The following SIM1 variants were observed in gnomAD, a reference collection of about 807,000 sequenced individuals.
SIM1 encodes SIM bHLH transcription factor 1, also known as single-minded homolog 1.
SIM1 carries 18 observed loss-of-function variants against 78.2 expected under a neutral mutation model. The ratio of observed to expected loss-of-function variants is 0.23; its 90% CI spans 0.16 to 0.34. The LOEUF (loss-of-function observed/expected upper bound fraction) is 0.34. Among genes scored for constraint, SIM1 ranks in the 10% least tolerant of loss-of-function variants. The pLI, the probability that SIM1 is intolerant of heterozygous loss-of-function variation, is 1.00. For synonymous variants in SIM1, 417 were observed against 385.2 expected (o/e 1.08, Z -0.97); for missense variants, 939 against 975.1 (o/e 0.96, Z 0.49).
At position 100,388,438 on chromosome 6, in the gene SIM1, A is replaced by G. The variant is rs1770559432; in HGVS notation, c.*1923T>C. 5 of 152,322 alleles carry G rather than the reference A, an allele frequency of 3.3e-5. No individual in the cohort carries two copies. The South Asian group carries it at 1.0e-3, about 32-fold the overall frequency. 9.4% of individuals were successfully genotyped at this position (152,322 alleles called of 1,614,324 possible). On this transcript the variant is annotated 3_prime_UTR_variant, in exon 12 of 12. Coordinates refer to ENST00000369208, the MANE Select transcript of SIM1 (RefSeq NM_005068.3). ...CAACTGCACTTTGAATTTTTTGAAAATATATATAACCACTAACTTTCTCAC... is the reference window on the plus strand; with the variant it reads ...CAACTGCACTTTGAATTTTTTGAAAGTATATATAACCACTAACTTTCTCAC...
chr6:100,459,881 T>C (rs1772791297), intron 2 of SIM1, among the ~76,000 whole-genome samples: 1 of 152,242 alleles, frequency 6.6e-6, no homozygotes, highest in East Asian at 1.9e-4. Flanking sequence ...TAGTTGAATT[T>C]GTCCTATTTT....
chr6:100,447,524 T>C, intron 8 of SIM1, 109 bp from the exon 9 acceptor site: 1 of 1,215,966 alleles, frequency 8.2e-7, no homozygotes, highest in Admixed American at 2.1e-5. Context: ...CCCTAATAAC[T>C]GCACCAGGCA....
chr6:100,405,153 A>G (rs1771022508), intron 10 of SIM1, among the ~76,000 whole-genome samples: 1 of 152,022 alleles, frequency 6.6e-6, no homozygotes, highest in Admixed American at 6.6e-5. Context: ...AATTTTTAGC[A>G]TTGGAAAAGA....
chr6:100,398,658 T>C (rs1186729049), intron 10 of SIM1, among the ~76,000 whole-genome samples: 1 of 152,122 alleles, frequency 6.6e-6, no homozygotes, highest in Non-Finnish European at 1.5e-5. Context: ...TACCATGATT[T>C]GTTTATCCAT....
intron 2 of SIM1, among the ~76,000 whole-genome samples, chr6:100,460,036 G>C (rs1772799765): frequency 6.6e-6 from 1 of 152,220 alleles, no homozygotes; most frequent in African/African-American, 2.4e-5. Flanking sequence ...CAGATATGAA[G>C]TGTTAGTGAT....
At chr6:100,396,194 A>G in intron 10 of SIM1, 1 of 363,144 alleles carries the variant, frequency 2.8e-6, no homozygotes, top group Non-Finnish European at 3.8e-6. Flanking sequence ...AGTGCTATAC[A>G]TGTGTTCCTT....
At chr6:100,431,878 G>T (rs565248399) in intron 9 of SIM1, among the ~76,000 whole-genome samples, 1 of 152,156 alleles carries the variant, frequency 6.6e-6, no homozygotes, top group African/African-American at 2.4e-5. Flanking sequence ...GATAATAGTA[G>T]GGCTGGATGA....
At chr6:100,430,097 A>T (rs2114516935) in intron 9 of SIM1, among the ~76,000 whole-genome samples, 1 of 152,324 alleles carries the variant, frequency 6.6e-6, no homozygotes, top group African/African-American at 2.4e-5. Context: ...AAGTCTTGTC[A>T]TGTAGTTTCT....
chr6:100,437,650 G>A (rs1026284559), intron 9 of SIM1, among the ~76,000 whole-genome samples: 3 of 152,148 alleles, frequency 2.0e-5, no homozygotes, highest in African/African-American at 7.2e-5. Flanking sequence ...TTTGGGAAAG[G>A]CAAGAGACTG....
chr6:100,447,994 A>C, intron 8 of SIM1, 152 bp downstream of exon 8: 1 of 609,556 alleles, frequency 1.6e-6, no homozygotes, highest in Non-Finnish European at 2.9e-6. Flanking sequence ...CCAGTGTCGG[A>C]GAAGTCCCTC....
chr6:100,427,134 C>T (rs1022578972), intron 9 of SIM1: 2 of 152,232 alleles, frequency 1.3e-5, no homozygotes, highest in Admixed American at 1.3e-4. Flanking sequence ...CGCCTGGCCA[C>T]TGGGTAAACC....
intron 11 of SIM1, among the ~76,000 whole-genome samples, chr6:100,393,106 G>A (rs777449375): frequency 1.3e-5 from 2 of 152,060 alleles, no homozygotes; most frequent in Non-Finnish European, 2.9e-5. Context: ...CCCTCATTGA[G>A]AAACACTGCT....
At chr6:100,412,737 AAG>A (rs1393339321) in intron 10 of SIM1, among the ~76,000 whole-genome samples, 2 of 145,106 alleles carry the variant, frequency 1.4e-5, no homozygotes, top group African/African-American at 5.1e-5. Flanking sequence ...GAAAGAAAGA[AAG>A]AAAGAAAGAA....
intron 10 of SIM1, among the ~76,000 whole-genome samples, chr6:100,409,863 T>G (rs1771149283): frequency 6.6e-6 from 1 of 152,202 alleles, no homozygotes; most frequent in South Asian, 2.1e-4. Flanking sequence ...TTACTGTTAG[T>G]TTCATACAAC....
intron 9 of SIM1, among the ~76,000 whole-genome samples, chr6:100,437,750 A>C (rs1229181119): frequency 6.6e-6 from 1 of 152,192 alleles, no homozygotes; most frequent in Non-Finnish European, 1.5e-5. Context: ...TATCAATGAC[A>C]ACAGTGAAAA....
At chr6:100,401,578 AAAT>A (rs1302916647) in intron 10 of SIM1, among the ~76,000 whole-genome samples, 2 of 152,090 alleles carry the variant, frequency 1.3e-5, no homozygotes, top group African/African-American at 4.8e-5. Flanking sequence ...CAAAAAAAAT[AAAT>A]AATAATGAGG....
rs1770512444 is a variant in SIM1 at position 100,386,160 on chromosome 6, C to G, written c.*4201G>C. The G allele has an allele frequency of 6.6e-6, 1 of 151,950 alleles. No homozygotes were observed. The allele number at this position is 151,950 out of a possible 1,614,324, so 9.4% of individuals were successfully genotyped here. On this transcript the variant is annotated 3_prime_UTR_variant, in exon 12 of 12. Coordinates refer to ENST00000369208, the MANE Select transcript of SIM1 (RefSeq NM_005068.3). ...ATTCTTTTTAAAATCATTATGAAAA[C>G]AGGATGTATGTCAACATCTATGATT...
intron 9 of SIM1, among the ~76,000 whole-genome samples, chr6:100,423,415 A>G (rs1229348293): frequency 3.3e-5 from 5 of 152,170 alleles, no homozygotes; most frequent in Non-Finnish European, 7.4e-5. Flanking sequence ...GGGAGACATC[A>G]ATGAGCACAA....
chr6:100,400,571 G>C (rs1770890659), intron 10 of SIM1, among the ~76,000 whole-genome samples: 1 of 152,076 alleles, frequency 6.6e-6, no homozygotes, highest in Admixed American at 6.6e-5. Flanking sequence ...AGACCTATGA[G>C]ATACACAGCT....
Sources: gnomAD v4.1 joint callset for allele counts (sites outside exome capture counted in the v4.1 genomes callset) on GRCh38, gnomAD v4.1.1 for gene constraint, MANE v1.5 for transcripts, NCBI Gene and HGNC (gene_info 2026-07-23, HGNC 2026-07-21) for gene names.